The following CLDN10 variants were observed in gnomAD, a reference collection of about 807,000 sequenced individuals.
CLDN10 encodes the protein claudin 10, also known as claudin-10.
In CLDN10, 15 loss-of-function variants were observed where a neutral mutation model predicts 22.9. The observed-to-expected ratio is 0.65, with a 90% CI of 0.44 to 1.01. CLDN10 has a LOEUF of 1.01. CLDN10 is among the 50% of genes least tolerant of loss of function. The pLI is 0.00. For missense variants in CLDN10, 247 were observed against 287.8 expected, an observed-to-expected ratio of 0.86 and a Z score of 1.03; for synonymous variants, 114 against 111.4, an observed-to-expected ratio of 1.02 and a Z score of -0.15.
At chr13:95,485,983 A>G (rs1052265298) in intron 1 of CLDN10, among the ~76,000 whole-genome samples, 1 of 152,184 alleles carries the variant, frequency 6.6e-6, no homozygotes, top group Non-Finnish European at 1.5e-5. Context: ...ATGTCCTCCA[A>G]TGCTGTGGTC....
chr13:95,459,076 C>T (rs945353864), intron 1 of CLDN10, among the ~76,000 whole-genome samples: 8 of 152,226 alleles, frequency 5.3e-5, no homozygotes, highest in Admixed American at 5.2e-4. Flanking sequence ...CCTTTGACGC[C>T]ATGTCCTACA....
At chr13:95,500,854 G>A (rs1397986466) in intron 1 of CLDN10, among the ~76,000 whole-genome samples, 1 of 152,014 alleles carries the variant, frequency 6.6e-6, no homozygotes, top group African/African-American at 2.4e-5. Flanking sequence ...ACTTGTTGCT[G>A]GGATGGATTT....
chr13:95,514,000 A>G (rs934903886), intron 1 of CLDN10, among the ~76,000 whole-genome samples: 2 of 152,054 alleles, frequency 1.3e-5, no homozygotes, highest in African/African-American at 4.8e-5. Flanking sequence ...GCTCATGCCT[A>G]TAATCCCAGC....
intron 1 of CLDN10, among the ~76,000 whole-genome samples, chr13:95,484,293 G>A (rs1465921186): frequency 6.6e-6 from 1 of 151,982 alleles, no homozygotes; most frequent in African/African-American, 2.4e-5. Flanking sequence ...GTCCTTTCTG[G>A]GCAGCATATC....
chr13:95,562,737 T>C (rs1160340088), intron 3 of CLDN10, among the ~76,000 whole-genome samples: 1 of 152,246 alleles, frequency 6.6e-6, no homozygotes, highest in Non-Finnish European at 1.5e-5. Context: ...CATTTCTCAC[T>C]CTTCCGCATT....
At chr13:95,453,999 C>T (rs1416615591) in intron 1 of CLDN10, among the ~76,000 whole-genome samples, 2 of 152,180 alleles carry the variant, frequency 1.3e-5, no homozygotes, top group Non-Finnish European at 2.9e-5. Context: ...CTTTCTTACC[C>T]TCCAAGGGTC....
chr13:95,458,661 A>G (rs2042506208), intron 1 of CLDN10, among the ~76,000 whole-genome samples: 1 of 152,168 alleles, frequency 6.6e-6, no homozygotes, highest in Non-Finnish European at 1.5e-5. Context: ...CTCCCTTGAC[A>G]CACAGGGATT....
intron 1 of CLDN10, among the ~76,000 whole-genome samples, chr13:95,526,087 T>C (rs967360456): frequency 2.0e-5 from 3 of 152,222 alleles, no homozygotes; most frequent in Non-Finnish European, 2.9e-5. Context: ...CATTGTGTTT[T>C]TATCTCAACT....
At chr13:95,452,289 G>A (rs966544729) in intron 1 of CLDN10, among the ~76,000 whole-genome samples, 1 of 152,094 alleles carries the variant, frequency 6.6e-6, no homozygotes, top group Non-Finnish European at 1.5e-5. Context: ...CCTTCAAAAT[G>A]TTCCCTTTGG....
At chr13:95,497,120 G>A (rs543252336) in intron 1 of CLDN10, 8 of 142,752 alleles carry the variant, frequency 5.6e-5, no homozygotes, top group Admixed American at 4.3e-4. Flanking sequence ...CCACACAAAG[G>A]AAGCACTAAA....
chr13:95,552,842 GGA>G lies in CLDN10; in HGVS notation c.90_91del (p.Trp30Ter). ...TCCTCCACGCTGCCCACCGACTACT[GGA>G]AGGTGTCTACCATCGACGGCACGGT... On this transcript the variant is annotated stop_gained and frameshift_variant, in exon 1 of 5. Transcript: ENST00000299339. LOFTEE classifies it high-confidence loss of function. 6.2e-7 allele frequency: 1 copy of G among 1,614,118 alleles called. No homozygotes were observed. The highest frequency in any genetic ancestry group is 1.7e-5 in the Admixed American group (1 of 60,020).
At chr13:95,478,969 A>G (rs1448463361) in intron 1 of CLDN10, among the ~76,000 whole-genome samples, 1 of 152,216 alleles carries the variant, frequency 6.6e-6, no homozygotes, top group Non-Finnish European at 1.5e-5. Flanking sequence ...AGGTTTAAGG[A>G]ACTTTCATTT....
chr13:95,476,237 G>A (rs568908069), intron 1 of CLDN10, among the ~76,000 whole-genome samples: 2 of 152,330 alleles, frequency 1.3e-5, no homozygotes, highest in Admixed American at 1.3e-4. Flanking sequence ...GTCTTAGTCT[G>A]TTCAGGCTGC....
intron 1 of CLDN10, among the ~76,000 whole-genome samples, chr13:95,488,801 G>T (rs1221490956): frequency 6.6e-6 from 1 of 152,046 alleles, no homozygotes; most frequent in Non-Finnish European, 1.5e-5. Context: ...CATTTGGGTT[G>T]GTTCCAGGAT....
intron 1 of CLDN10, among the ~76,000 whole-genome samples, chr13:95,453,830 C>A (rs1416277751): frequency 6.6e-6 from 1 of 152,148 alleles, no homozygotes; most frequent in Non-Finnish European, 1.5e-5. Context: ...GATTCTAGTG[C>A]CTCGCTGGGC....
At chr13:95,537,673 G>C (rs17235306) in intron 1 of CLDN10, among the ~76,000 whole-genome samples, 12,268 of 152,136 alleles carry the variant, frequency 0.081, 656 homozygotes, top group East Asian at 0.22. Context: ...TCCACAGAAT[G>C]GCATTTCCAA....
intron 1 of CLDN10, among the ~76,000 whole-genome samples, chr13:95,464,012 T>C (rs891571531): frequency 6.6e-6 from 1 of 152,032 alleles, no homozygotes; most frequent in African/African-American, 2.4e-5. Flanking sequence ...ATTTTTAACT[T>C]GGTATTATGA....
intron 1 of CLDN10, among the ~76,000 whole-genome samples, chr13:95,508,684 T>C (rs1481903809): frequency 6.6e-6 from 1 of 152,228 alleles, no homozygotes; most frequent in Non-Finnish European, 1.5e-5. Context: ...GGGAGCGATA[T>C]CTGGATCATT....
intron 1 of CLDN10, among the ~76,000 whole-genome samples, chr13:95,540,416 C>T (rs940566534): frequency 2.0e-5 from 3 of 152,036 alleles, no homozygotes; most frequent in South Asian, 2.1e-4. Context: ...ATCGCTTGAG[C>T]CTGGGAGGTG....
Sources: allele counts gnomAD v4.1 joint callset (sites outside exome capture counted in the v4.1 genomes callset), GRCh38; gene constraint gnomAD v4.1.1; transcripts MANE v1.5; gene names NCBI Gene and HGNC (gene_info 2026-07-23, HGNC 2026-07-21).